The following NLGN1 variants were observed in gnomAD, a reference collection of about 807,000 sequenced individuals.
NLGN1 encodes neuroligin-1.
Under a neutral mutation model 65.5 loss-of-function variants are expected in NLGN1, and 12 were observed. The ratio of observed to expected loss-of-function variants is 0.18; its 90% confidence interval spans 0.12 to 0.30. The LOEUF (loss-of-function observed/expected upper bound fraction) is 0.30, where lower values mean the gene tolerates loss of function less well. NLGN1 is among the 10% of genes least tolerant of loss of function. The probability of loss-of-function intolerance (pLI) is 1.00; values close to 1 mark genes in which losing one functional copy is unlikely to be tolerated. For synonymous variants in NLGN1, 350 were observed against 359.5 expected (o/e 0.97, Z 0.30); for missense variants, 750 against 1,007.1 (o/e 0.74, Z 3.46).
chr3:173,718,055 G>A (rs1018782801), intron 3 of NLGN1, among the ~76,000 whole-genome samples: 2 of 152,032 alleles, frequency 1.3e-5, no homozygotes, highest in Non-Finnish European at 1.5e-5. Flanking sequence ...CGGGGCACAT[G>A]TCATATTCTG....
chr3:174,096,954 T>G lies in NLGN1; in HGVS notation c.647-178361T>G, dbSNP rs142593281. Reference sequence around the variant, plus strand: ...AAGAAAATAAATAAATAAGTTTTTGTGTATGTATGTCTGTGTGTAATCATG... The same window carrying G: ...AAGAAAATAAATAAATAAGTTTTTGGGTATGTATGTCTGTGTGTAATCATG... On this transcript the variant is annotated intron_variant, in intron 4 of 6. Transcript: ENST00000457714. Among the ~76,000 whole-genome samples, 1,128 of 152,152 alleles carry G rather than the reference T, an allele frequency of 7.4e-3. 15 individuals carry two copies. Among genetic ancestry groups the G allele is most frequent in the African/African-American group, 0.025 (1,058 of 41,538 alleles).
intron 4 of NLGN1, among the ~76,000 whole-genome samples, chr3:173,812,396 A>G (rs1429963743): frequency 6.6e-6 from 1 of 152,138 alleles, no homozygotes; most frequent in African/African-American, 2.4e-5. Flanking sequence ...CTATGCCATA[A>G]TAATGCTTCA....
chr3:174,185,593 C>T (rs1306666827), intron 4 of NLGN1, among the ~76,000 whole-genome samples: 1 of 151,928 alleles, frequency 6.6e-6, no homozygotes, highest in African/African-American at 2.4e-5. Flanking sequence ...AGTATGTACT[C>T]AGTAAAGTTT....
At chr3:173,525,606 T>A (rs1445364386) in intron 2 of NLGN1, among the ~76,000 whole-genome samples, 1 of 152,124 alleles carries the variant, frequency 6.6e-6, no homozygotes, top group Non-Finnish European at 1.5e-5. Flanking sequence ...TTAATTGTGC[T>A]CTGATCCTTG....
intron 4 of NLGN1, among the ~76,000 whole-genome samples, chr3:173,817,360 T>G (rs115539640): frequency 0.029 from 4,460 of 152,296 alleles, 79 homozygotes; most frequent in Non-Finnish European, 0.045. Flanking sequence ...AAAAAATGTT[T>G]TGGTAGGCCT....
chr3:173,823,037 C>T (rs769528720), intron 4 of NLGN1, among the ~76,000 whole-genome samples: 2 of 151,948 alleles, frequency 1.3e-5, no homozygotes, highest in Non-Finnish European at 1.5e-5. Flanking sequence ...ACTCAAGTGG[C>T]ATACAGTAGA....
chr3:173,684,714 A>T (rs1188242558), intron 3 of NLGN1, among the ~76,000 whole-genome samples: 2 of 152,226 alleles, frequency 1.3e-5, no homozygotes, highest in African/African-American at 4.8e-5. Context: ...CAAATTACAT[A>T]TTGAGAATTT....
intron 1 of NLGN1, among the ~76,000 whole-genome samples, chr3:173,423,434 C>T (rs1453648472): frequency 6.6e-6 from 1 of 152,148 alleles, no homozygotes; most frequent in Non-Finnish European, 1.5e-5. Flanking sequence ...GCAAGTCCCT[C>T]CTGCCTATGA....
intron 2 of NLGN1, among the ~76,000 whole-genome samples, chr3:173,536,419 GA>G (rs939506317): frequency 4.1e-4 from 62 of 152,080 alleles, no homozygotes; most frequent in African/African-American, 1.4e-3. Flanking sequence ...ATACCTGGGG[GA>G]AAAAAAGTAA....
intron 2 of NLGN1, among the ~76,000 whole-genome samples, chr3:173,512,549 T>C (rs906544539): frequency 6.6e-6 from 1 of 152,148 alleles, no homozygotes; most frequent in Non-Finnish European, 1.5e-5. Flanking sequence ...TGGGGTCTTA[T>C]AGGCACAGGA....
intron 2 of NLGN1, among the ~76,000 whole-genome samples, chr3:173,486,235 A>C (rs1452107120): frequency 6.6e-6 from 1 of 151,552 alleles, no homozygotes; most frequent in African/African-American, 2.4e-5. Context: ...TTTAGCTTTT[A>C]GTTTTTAGTA....
intron 1 of NLGN1, among the ~76,000 whole-genome samples, chr3:173,413,383 C>G (rs1713007451): frequency 6.6e-6 from 1 of 152,056 alleles, no homozygotes; most frequent in Admixed American, 6.6e-5. Context: ...GGGCGGATCA[C>G]AAGGTCAGGA....
intron 3 of NLGN1, among the ~76,000 whole-genome samples, chr3:173,761,930 A>G (rs562229837): frequency 3.2e-4 from 49 of 152,240 alleles, no homozygotes; most frequent in African/African-American, 9.4e-4. Flanking sequence ...ATGAACCGAC[A>G]GAATTCTAGT....
intron 3 of NLGN1, among the ~76,000 whole-genome samples, chr3:173,765,319 A>G (rs1008735421): frequency 2.0e-5 from 3 of 152,126 alleles, no homozygotes; most frequent in East Asian, 1.9e-4. Context: ...GGTTGATAAT[A>G]AAAGGTAATT....
At chr3:173,467,793 T>C (rs1209124059) in intron 2 of NLGN1, among the ~76,000 whole-genome samples, 1 of 152,100 alleles carries the variant, frequency 6.6e-6, no homozygotes, top group African/African-American at 2.4e-5. Context: ...AGTCAATGAG[T>C]CCATGCAGTC....
chr3:173,571,360 A>G (rs926552722), intron 2 of NLGN1, among the ~76,000 whole-genome samples: 1 of 152,356 alleles, frequency 6.6e-6, no homozygotes, highest in Middle Eastern at 3.4e-3. Context: ...TAAGGAAAAT[A>G]TTACCTACGC....
At chr3:173,604,383 A>T (rs1162307485) in exon 3 of NLGN1, 4 of 609,914 alleles carry the variant, frequency 6.6e-6, no homozygotes, top group Non-Finnish European at 2.9e-6. Flanking sequence ...GTTCAATAGG[A>T]TATGGTCTGA....
intron 3 of NLGN1, among the ~76,000 whole-genome samples, chr3:173,629,055 T>C (rs915062589): frequency 2.6e-5 from 4 of 152,092 alleles, no homozygotes; most frequent in African/African-American, 9.7e-5. Context: ...TAAATAGTAT[T>C]ACTGTAAAAG....
At chr3:173,849,479 T>C (rs886572557) in intron 4 of NLGN1, among the ~76,000 whole-genome samples, 2 of 105,882 alleles carry the variant, frequency 1.9e-5, no homozygotes, top group African/African-American at 7.6e-5. Context: ...CATCTGAATA[T>C]AAACATTAGC....
Sources: allele counts gnomAD v4.1 joint callset (sites outside exome capture counted in the v4.1 genomes callset), GRCh38; gene constraint gnomAD v4.1.1; transcripts MANE v1.5; gene names NCBI Gene and HGNC (gene_info 2026-07-23, HGNC 2026-07-21).